THAP4: variants seen among roughly 807,000 people sequenced by gnomAD.
THAP4 encodes the protein peroxynitrite isomerase THAP4.
Under a neutral mutation model 48.1 loss-of-function variants are expected in THAP4, and 18 were observed. That is an observed-to-expected ratio of 0.37 (90% CI 0.26 to 0.56). The LOEUF (loss-of-function observed/expected upper bound fraction) is 0.56. Ranked by LOEUF, THAP4 falls within the 20% of genes least tolerant of loss-of-function variation. THAP4 has a pLI of 0.78. For synonymous variants in THAP4, 345 were observed against 324.9 expected (o/e 1.06, Z -0.66); for missense variants, 656 against 774.9 (o/e 0.85, Z 1.82).
chr2:241,625,825 GAAAA>G (rs2067490420), intron 2 of THAP4, among the ~76,000 whole-genome samples: 1 of 99,440 alleles, frequency 1.0e-5, no homozygotes, highest in Non-Finnish European at 2.1e-5. Flanking sequence ...AAAAAAAAAA[GAAAA>G]AAGAAAACTA....
chr2:241,613,018 AAT>A (rs1178825126), intron 2 of THAP4, among the ~76,000 whole-genome samples: 1 of 152,208 alleles, frequency 6.6e-6, no homozygotes, highest in East Asian at 1.9e-4. Context: ...GGTTAAATAA[AAT>A]ATATTATTAA....
At position 241,633,568 on chromosome 2, in the gene THAP4, C is replaced by T. The variant is rs1477055629; in HGVS notation, c.589G>A (p.Ala197Thr). 1.5e-5 allele frequency: 24 copies of T among 1,613,674 alleles called. No individual in the cohort carries two copies. The highest frequency in any genetic ancestry group is 2.0e-5 in the Non-Finnish European group (24 of 1,179,896). The change falls in exon 2 of 6, where the codon GCT (alanine) becomes ACT (threonine). Residue 197 changes from alanine to threonine, a missense_variant. Transcript: ENST00000407315. This position sits in a 1 kb window ranked among gnomAD's most constrained non-coding sequence, Gnocchi z 7.5. ...GAGGAAGTGGCGCTCTCATCGCCAGCATCTGTGGCAGACGCTTCTGCTTTT... is the reference window on the plus strand; with the variant it reads ...GAGGAAGTGGCGCTCTCATCGCCAGTATCTGTGGCAGACGCTTCTGCTTTT... ...QGKAEASATD[A>T]GDESATSSIE...
chr2:241,627,435 T>C (rs1485886082), intron 2 of THAP4, among the ~76,000 whole-genome samples: 1 of 152,252 alleles, frequency 6.6e-6, no homozygotes, highest in African/African-American at 2.4e-5. Flanking sequence ...ACGTGGTTCA[T>C]AGACGTGCTA....
At chr2:241,594,809 G>C (rs1028509775) in intron 5 of THAP4, 4 of 178,714 alleles carry the variant, frequency 2.2e-5, no homozygotes, top group Non-Finnish European at 4.7e-5. Flanking sequence ...AGGTGTGGTG[G>C]TGCGCATTCG....
intron 2 of THAP4, among the ~76,000 whole-genome samples, chr2:241,613,979 C>G (rs1258292633): frequency 2.6e-5 from 4 of 151,938 alleles, no homozygotes; most frequent in Admixed American, 1.3e-4. Flanking sequence ...TAGTGAAACC[C>G]CATCTCTACC....
chr2:241,597,524 A>G (rs2067064245), intron 5 of THAP4, among the ~76,000 whole-genome samples: 1 of 152,218 alleles, frequency 6.6e-6, no homozygotes, highest in Admixed American at 6.5e-5. Context: ...GAAAGATGAT[A>G]AACACTGACT....
intron 2 of THAP4, among the ~76,000 whole-genome samples, chr2:241,627,825 C>T (rs933051044): frequency 6.6e-6 from 1 of 152,192 alleles, no homozygotes; most frequent in East Asian, 1.9e-4. Flanking sequence ...CACCGCATGC[C>T]CAGCCGTGGC....
chr2:241,622,288 A>C (rs34423852), intron 2 of THAP4, among the ~76,000 whole-genome samples: 50,430 of 152,002 alleles, frequency 0.33, 8,739 homozygotes, highest in South Asian at 0.46. Context: ...TTGCTTGAGC[A>C]TGGGAGGTGG....
rs150643157 is a variant in THAP4, at chr2:241,633,771, G to A, written c.386C>T (p.Pro129Leu). 6.6e-5 allele frequency: 107 copies of A among 1,613,398 alleles called. 1 individual carries two copies. In the Admixed American group the frequency reaches 1.4e-3, roughly 21 times the overall value. ...GGCCATCGGGTTTCCACTCGAGGAC[G>A]GTGACCAACCTGCAGCTCCTCTGCT... ...ATSRGAAGWS[P>L]SSSGNPMAKP... Residue 129 changes from proline (P) to leucine (L), a missense_variant, in exon 2 of 6, where the codon CCG (proline) becomes CTG (leucine). By Grantham distance (98) the Pro-to-Leu change is moderately conservative. This residue lies in a region of THAP4 where 391 missense variants were observed against 412.4 expected (regional missense o/e 0.95). Transcript: ENST00000407315. The surrounding 1 kb of genome is among the most constrained non-coding windows in gnomAD (Gnocchi z 7.5).
upstream of THAP4, chr2:241,637,166 C>A (rs2067685738): frequency 1.0e-6 from 1 of 987,592 alleles, no homozygotes. Flanking sequence ...GATGGAGGCG[C>A]AGGCGCCCGC....
In THAP4 at chr2:241,610,054, G is replaced by A. The variant is rs1464391510; in HGVS notation, c.1241-3581C>T. On this transcript the variant is annotated intron_variant, in intron 2 of 5. Coordinates refer to ENST00000407315, the MANE Select transcript of THAP4 (RefSeq NM_015963.6). This position sits in a 1 kb window ranked among gnomAD's most constrained non-coding sequence, Gnocchi z 4.2. ...TCCACCCCTCACGCCCGAGTCCCCGGCACGGCCACCACCGGCCCCTGGGTC... is the reference window on the plus strand; with the variant it reads ...TCCACCCCTCACGCCCGAGTCCCCGACACGGCCACCACCGGCCCCTGGGTC... Among the ~76,000 whole-genome samples, 1 of 152,156 alleles carries A rather than the reference G, an allele frequency of 6.6e-6. No homozygotes were observed. The highest frequency in any genetic ancestry group is 1.5e-5 in the Non-Finnish European group (1 of 68,012).
chr2:241,584,586 G>A lies in THAP4; in HGVS notation c.*20C>T, dbSNP rs2066868548. Reference sequence around the variant, plus strand: ...AGGCACAGTAGCCAGGCCCTCCCGAGGGCTCCAGAAGCTCTAGGTTTACGG... The same window carrying A: ...AGGCACAGTAGCCAGGCCCTCCCGAAGGCTCCAGAAGCTCTAGGTTTACGG... On this transcript the variant is annotated 3_prime_UTR_variant, in exon 6 of 6. Transcript: ENST00000407315. The A allele has an allele frequency of 6.2e-7, 1 of 1,613,956 alleles. No homozygotes were observed. Among genetic ancestry groups the A allele is most frequent in the East Asian group, 2.2e-5 (1 of 44,862 alleles).
At position 241,603,110 on chromosome 2, in the gene THAP4, G is replaced by C. The variant is rs757389886; in HGVS notation, c.1401-31C>G. The C allele has an allele frequency of 5.1e-6, 8 of 1,573,534 alleles. No homozygotes were observed. In the East Asian group the frequency reaches 1.3e-4, roughly 26 times the overall value. Reference sequence around the variant, plus strand: ...CGGGAAGTTGGAGTTGAGAAGCCCAGGCACTGGCCTCCAAGATGGCGTGGG... The same window carrying C: ...CGGGAAGTTGGAGTTGAGAAGCCCACGCACTGGCCTCCAAGATGGCGTGGG... On this transcript the variant is annotated intron_variant, in intron 3 of 5. Transcript: ENST00000407315.
intron 2 of THAP4, among the ~76,000 whole-genome samples, chr2:241,622,178 T>A (rs2067436831): frequency 6.6e-6 from 1 of 152,222 alleles, no homozygotes; most frequent in African/African-American, 2.4e-5. Context: ...GAGACCAGTC[T>A]GGCCAACGTG....
At position 241,610,065 on chromosome 2, in the gene THAP4, A is replaced by G. The variant is rs1450564168; in HGVS notation, c.1241-3592T>C. ...CGCCCGAGTCCCCGGCACGGCCACCACCGGCCCCTGGGTCCCGAGGGCCCC... is the reference window on the plus strand; with the variant it reads ...CGCCCGAGTCCCCGGCACGGCCACCGCCGGCCCCTGGGTCCCGAGGGCCCC... On this transcript the variant is annotated intron_variant, in intron 2 of 5. Coordinates refer to ENST00000407315, the MANE Select transcript of THAP4 (RefSeq NM_015963.6). This position sits in a 1 kb window ranked among gnomAD's most constrained non-coding sequence, Gnocchi z 4.2. Among the ~76,000 whole-genome samples, 1 of 152,068 alleles carries G rather than the reference A, an allele frequency of 6.6e-6. No homozygotes were observed.
chr2:241,620,432 GGTGAGTGAGTCA>G (rs1404110374), intron 2 of THAP4, among the ~76,000 whole-genome samples: 3 of 133,444 alleles, frequency 2.2e-5, no homozygotes. Context: ...AGGGGTGAGG[GGTGAGTGAGTCA>G]GTGAGTGAGG....
intron 5 of THAP4, among the ~76,000 whole-genome samples, chr2:241,600,645 G>A (rs928301634): frequency 7.4e-5 from 11 of 147,830 alleles, no homozygotes; most frequent in Admixed American, 5.5e-4. Context: ...GGAGAATGGC[G>A]TGAACCCAGG....
intron 3 of THAP4, 93 bp downstream of exon 3, chr2:241,606,221 G>C: frequency 8.1e-7 from 1 of 1,233,086 alleles, no homozygotes; most frequent in Non-Finnish European, 1.1e-6. Flanking sequence ...ACACCTTCCT[G>C]CTTGGCCTTT....
At chr2:241,609,076 G>A (rs375002518) in intron 2 of THAP4, among the ~76,000 whole-genome samples, 2 of 152,330 alleles carry the variant, frequency 1.3e-5, no homozygotes, top group East Asian at 1.9e-4. Context: ...TGGGAGGGAC[G>A]AGGTCTCTGA....
Sources: allele counts gnomAD v4.1 joint callset (sites outside exome capture counted in the v4.1 genomes callset), GRCh38; gene constraint gnomAD v4.1.1; regional missense constraint gnomAD v4.1.1; non-coding constraint Gnocchi (gnomAD v3.1); transcripts MANE v1.5; gene names NCBI Gene and HGNC (gene_info 2026-07-23, HGNC 2026-07-21).